The following CSMD1 variants were observed in gnomAD, a reference collection of about 807,000 sequenced individuals.
The protein encoded by CSMD1 is CUB and sushi domain-containing protein 1.
Under a neutral mutation model 417.5 loss-of-function variants are expected in CSMD1, and 213 were observed. That is an observed-to-expected ratio of 0.51 (90% CI 0.46 to 0.57). The LOEUF is 0.57. Ranked by LOEUF, CSMD1 falls within the 20% of genes least tolerant of loss-of-function variation. CSMD1 has a pLI of 0.00. For synonymous variants in CSMD1, 2,862 were observed against 1,736.8 expected (o/e 1.65, Z -16.11); for missense variants, 6,923 against 4,529.7 (o/e 1.53, Z -15.17).
At chr8:3,207,702 C>T (rs1017323731) in intron 30 of CSMD1, among the ~76,000 whole-genome samples, 15 of 152,104 alleles carry the variant, frequency 9.9e-5, no homozygotes, top group African/African-American at 3.4e-4. Context: ...ACAGCTCAGA[C>T]ATCTGTCAGC....
intron 11 of CSMD1, among the ~76,000 whole-genome samples, chr8:3,483,223 T>A (rs547556982): frequency 6.6e-6 from 1 of 151,836 alleles, no homozygotes; most frequent in Admixed American, 6.6e-5. Context: ...ATAAGAACAC[T>A]TGCAGAAAGT....
At chr8:4,358,080 A>G (rs1192265118) in intron 3 of CSMD1, among the ~76,000 whole-genome samples, 1 of 152,210 alleles carries the variant, frequency 6.6e-6, no homozygotes, top group Non-Finnish European at 1.5e-5. Context: ...ATATATGTAT[A>G]TATGTATACA....
intron 1 of CSMD1, among the ~76,000 whole-genome samples, chr8:4,935,809 G>C (rs1807577480): frequency 6.6e-6 from 1 of 152,228 alleles, no homozygotes; most frequent in South Asian, 2.1e-4. Context: ...ATTGCAACTT[G>C]AGAGAGTGCT....
rs1812410380 is a variant in CSMD1 at position 3,962,709 on chromosome 8, T to C, written c.818+35194A>G. On this transcript the variant is annotated intron_variant, in intron 5 of 69. Transcript: ENST00000635120. ...GGAGTGTGGTGCAGAGGTGCGGCCC[T>C]TTCTTGCAGACTCTTCGGGTTGGAC... Among the ~76,000 whole-genome samples the C allele has an allele frequency of 1.3e-5, 2 of 152,130 alleles. 1 individual carries two copies. The highest frequency in any genetic ancestry group is 4.1e-4 in the South Asian group (2 of 4,826).
rs58551888 is a variant in CSMD1 at position 4,255,752 on chromosome 8, G to C, written c.415+164201C>G. Among the ~76,000 whole-genome samples the C allele has an allele frequency of 2.0e-3, 306 of 152,310 alleles. 3 individuals carry two copies. The highest frequency in any genetic ancestry group is 6.9e-3 in the African/African-American group (285 of 41,554). ...AATCTAAGCATAGACTTAAACAAAA[G>C]TTCTAAAATTAATATATGTTTAAAG... On this transcript the variant is annotated intron_variant, in intron 3 of 69. Transcript: ENST00000635120.
At chr8:4,767,260 A>T (rs1309668505) in intron 1 of CSMD1, among the ~76,000 whole-genome samples, 1 of 152,230 alleles carries the variant, frequency 6.6e-6, no homozygotes, top group East Asian at 1.9e-4. Flanking sequence ...AAAAGAAACA[A>T]AACTTTTAAA....
At chr8:4,326,001 T>G (rs1360233060) in intron 3 of CSMD1, among the ~76,000 whole-genome samples, 5 of 152,136 alleles carry the variant, frequency 3.3e-5, no homozygotes, top group African/African-American at 9.7e-5. Context: ...ACGAACTCAG[T>G]AAAGACGTTG....
rs560850672 is a variant in CSMD1, at chr8:4,826,660, G to A, written c.85+167672C>T. On this transcript the variant is annotated intron_variant, in intron 1 of 69. Coordinates refer to ENST00000635120, the MANE Select transcript of CSMD1 (RefSeq NM_033225.6). ...GCAGGCACTTGCACCTCACTCTCAT[G>A]TGTAGCTTTCCTTCCCACTCATTCT... Among the ~76,000 whole-genome samples, 5 of 152,196 alleles carry A rather than the reference G, an allele frequency of 3.3e-5. No homozygotes were observed. The South Asian group carries it at 1.0e-3, about 32-fold the overall frequency.
intron 26 of CSMD1, among the ~76,000 whole-genome samples, chr8:3,248,158 C>T (rs73185566): frequency 3.9e-5 from 6 of 152,034 alleles, no homozygotes; most frequent in Admixed American, 6.5e-5. Flanking sequence ...TGAGATGTAG[C>T]GGTGTGACAA....
intron 38 of CSMD1, among the ~76,000 whole-genome samples, chr8:3,161,834 A>C (rs1819917415): frequency 1.3e-5 from 2 of 152,172 alleles, no homozygotes; most frequent in Non-Finnish European, 2.9e-5. Flanking sequence ...AGATTCAATT[A>C]CTGGCTGCCA....
chr8:4,596,127 A>C (rs983616348), intron 2 of CSMD1, among the ~76,000 whole-genome samples: 1 of 152,178 alleles, frequency 6.6e-6, no homozygotes, highest in African/African-American at 2.4e-5. Context: ...ATGTAGTTCC[A>C]GTATCTAAAA....
At chr8:3,402,080 A>C (rs1479195035) in intron 15 of CSMD1, among the ~76,000 whole-genome samples, 1 of 151,464 alleles carries the variant, frequency 6.6e-6, no homozygotes, top group African/African-American at 2.4e-5. Flanking sequence ...CTTTATTTTT[A>C]TTAGAACAAT....
At chr8:4,095,981 C>G (rs959145216) in intron 3 of CSMD1, among the ~76,000 whole-genome samples, 1 of 151,974 alleles carries the variant, frequency 6.6e-6, no homozygotes, top group Non-Finnish European at 1.5e-5. Context: ...ATTTCTTAAC[C>G]AAAAACCCAG....
chr8:4,440,950 T>C (rs527360034), intron 2 of CSMD1, among the ~76,000 whole-genome samples: 5 of 151,100 alleles, frequency 3.3e-5, no homozygotes, highest in Admixed American at 2.0e-4. Flanking sequence ...CGAGCCGAGA[T>C]CATGCCACTG....
At chr8:3,856,970 T>C (rs955072453) in intron 5 of CSMD1, among the ~76,000 whole-genome samples, 1 of 151,464 alleles carries the variant, frequency 6.6e-6, no homozygotes, top group Non-Finnish European at 1.5e-5. Flanking sequence ...CAAGTAGAAT[T>C]TGGAATTTTT....
chr8:3,358,710 G>A (rs185141068), intron 21 of CSMD1, among the ~76,000 whole-genome samples: 2 of 152,218 alleles, frequency 1.3e-5, no homozygotes, highest in Non-Finnish European at 2.9e-5. Context: ...TCCCATCAAA[G>A]GCTGCCACTG....
chr8:3,165,431 TA>T (rs1820146189), intron 37 of CSMD1, among the ~76,000 whole-genome samples: 1 of 151,894 alleles, frequency 6.6e-6, no homozygotes, highest in African/African-American at 2.4e-5. Context: ...TTTATTTATT[TA>T]TTTTTTTATT....
intron 8 of CSMD1, among the ~76,000 whole-genome samples, chr8:3,595,440 C>T (rs113666551): frequency 1.3e-5 from 2 of 152,102 alleles, no homozygotes; most frequent in African/African-American, 2.4e-5. Flanking sequence ...TTTCTTCAAG[C>T]CTTAAGGCAG....
intron 5 of CSMD1, among the ~76,000 whole-genome samples, chr8:3,942,947 C>T (rs1405225178): frequency 4.6e-5 from 7 of 152,058 alleles, no homozygotes; most frequent in African/African-American, 1.7e-4. Context: ...CACGACAACA[C>T]AGTGACTTAG....
Sources: allele counts gnomAD v4.1 joint callset (sites outside exome capture counted in the v4.1 genomes callset), GRCh38; gene constraint gnomAD v4.1.1; transcripts MANE v1.5; gene names NCBI Gene and HGNC (gene_info 2026-07-23, HGNC 2026-07-21).